Variants in XRN2 observed in about 807,000 individuals in gnomAD.
XRN2 encodes DHM1-like protein.
Under a neutral mutation model 138.5 loss-of-function variants are expected in XRN2, and 44 were observed. That is an observed-to-expected ratio of 0.32 (90% CI 0.25 to 0.41). The LOEUF is 0.41. XRN2 is among the 10% of genes least tolerant of loss of function. The pLI is 1.00. For synonymous variants in XRN2, 354 were observed against 369.4 expected (o/e 0.96, Z 0.48); for missense variants, 937 against 1,169.3 (o/e 0.80, Z 2.90).
At chr20:21,336,722 A>G (rs1173031780) in intron 13 of XRN2, among the ~76,000 whole-genome samples, 1 of 152,228 alleles carries the variant, frequency 6.6e-6, no homozygotes, top group Non-Finnish European at 1.5e-5. Flanking sequence ...GTAACTAAGT[A>G]AACCTCATTA....
At chr20:21,375,087 A>G (rs1305438632) in intron 27 of XRN2, among the ~76,000 whole-genome samples, 1 of 113,998 alleles carries the variant, frequency 8.8e-6, no homozygotes, top group African/African-American at 3.4e-5. Flanking sequence ...GAAATTTTTC[A>G]TAAGATTTTT....
At chr20:21,331,664 T>C (rs762063683) in intron 7 of XRN2, 31 bp downstream of exon 7, 1 of 1,603,040 alleles carries the variant, frequency 6.2e-7, no homozygotes, top group Non-Finnish European at 8.5e-7. Context: ...TTTGATTATA[T>C]GTTCTATTTT....
At chr20:21,373,209 C>T (rs931982972) in intron 27 of XRN2, among the ~76,000 whole-genome samples, 3 of 152,136 alleles carry the variant, frequency 2.0e-5, no homozygotes, top group African/African-American at 7.2e-5. Flanking sequence ...GGGGTTTCAC[C>T]ATGTTGGCCA....
At chr20:21,341,087 C>G (rs2038366438) in intron 15 of XRN2, among the ~76,000 whole-genome samples, 1 of 152,148 alleles carries the variant, frequency 6.6e-6, no homozygotes, top group South Asian at 2.1e-4. Flanking sequence ...ATATAAAGAG[C>G]TGATTCCAGT....
intron 3 of XRN2, among the ~76,000 whole-genome samples, chr20:21,327,742 A>G (rs2038147597): frequency 6.6e-6 from 1 of 152,228 alleles, no homozygotes; most frequent in Admixed American, 6.5e-5. Flanking sequence ...ATGTAGATAC[A>G]GAACTTTGTA....
At chr20:21,340,598 T>G in intron 14 of XRN2, 123 bp from the exon 15 acceptor site, 1 of 1,104,656 alleles carries the variant, frequency 9.1e-7, no homozygotes, top group Non-Finnish European at 1.3e-6. Flanking sequence ...ATCATTTGGT[T>G]TTTTAGTGAG....
chr20:21,341,822 GTGT>G (rs983645550), intron 15 of XRN2, among the ~76,000 whole-genome samples: 13 of 152,160 alleles, frequency 8.5e-5, no homozygotes, highest in Non-Finnish European at 1.3e-4. Context: ...GTGACTGGTG[GTGT>G]TATATGCCCT....
rs1237150739 is a variant in XRN2 at position 21,348,363 on chromosome 20, T to C, written c.1796T>C (p.Met599Thr). The change falls in exon 19 of 30, where the codon ATG becomes ACG. Residue 599 changes from methionine (M) to threonine (T), a missense_variant. Physicochemically the swap from Met to Thr is moderately conservative, Grantham distance 81 (BLOSUM62 -1). Transcript: ENST00000377191. ...CAGTTTAAACCACTAGAACAACTTA[T>C]GGGGGTATTTCCAGCTGCAAGTGGT... ...TKPFKPLEQL[M>T]GVFPAASGNF... 2 of 1,614,136 alleles carry C rather than the reference T, an allele frequency of 1.2e-6. No individual in the cohort carries two copies. Among genetic ancestry groups the C allele is most frequent in the South Asian group, 1.1e-5 (1 of 91,084 alleles).
In XRN2 at chr20:21,389,313, C is replaced by T. The variant is rs945936383; in HGVS notation, c.2828C>T (p.Pro943Leu). 2 of 1,613,002 alleles carry T rather than the reference C, an allele frequency of 1.2e-6. No individual in the cohort carries two copies. Among genetic ancestry groups the T allele is most frequent in the East Asian group, 2.2e-5 (1 of 44,788 alleles). Residue 943 changes from proline to leucine, a missense_variant, in exon 30 of 30, where the codon CCC becomes CTC. Pro to Leu is a moderately conservative substitution (Grantham distance 98). Around this residue, in one of 6 missense-constraint regions of XRN2, gnomAD observed 372 missense variants for 414.4 expected, o/e 0.90. Transcript: ENST00000377191. ...GGAAGGAAATACCCTTTGCCACCAC[C>T]CTCAGGAAGATACAATTGGAATTAA... ...REGRKYPLPP[P>L]SGRYNWN
chr20:21,342,934 G>GT (rs895907416), intron 15 of XRN2, among the ~76,000 whole-genome samples: 113 of 150,916 alleles, frequency 7.5e-4, no homozygotes, highest in African/African-American at 2.2e-3. Flanking sequence ...TTTTTATTGG[G>GT]TTTTTTTTTG....
intron 1 of XRN2, among the ~76,000 whole-genome samples, chr20:21,317,764 C>G (rs1426541575): frequency 6.6e-6 from 1 of 152,182 alleles, no homozygotes; most frequent in African/African-American, 2.4e-5. Context: ...AGTACCAACG[C>G]AACTGTCCAT....
At chr20:21,308,229 A>C (rs1364246489) in intron 1 of XRN2, among the ~76,000 whole-genome samples, 2 of 151,992 alleles carry the variant, frequency 1.3e-5, no homozygotes, top group Non-Finnish European at 2.9e-5. Context: ...TAGATACACC[A>C]CATTTTATTT....
chr20:21,359,179 T>G (rs1210661643), intron 24 of XRN2, among the ~76,000 whole-genome samples: 4 of 152,190 alleles, frequency 2.6e-5, no homozygotes, highest in African/African-American at 7.2e-5. Context: ...TGGTTGGTTG[T>G]TTCTGAGCCT....
intron 1 of XRN2, among the ~76,000 whole-genome samples, chr20:21,324,956 T>C (rs1051226189): frequency 5.9e-5 from 9 of 152,228 alleles, no homozygotes; most frequent in African/African-American, 2.2e-4. Context: ...TCAAAAGTAA[T>C]TAGCAGTTGC....
Position 21,333,565 on chromosome 20 carries a change from C to T in XRN2, c.880C>T (p.Leu294Phe), listed in dbSNP as rs774128015. Reference sequence around the variant, plus strand: ...GCAGCATGATGAACTTGCCGATAGTCTTCCTTGTGCAGAAGGAGAGTTTAT... The same window carrying T: ...GCAGCATGATGAACTTGCCGATAGTTTTCCTTGTGCAGAAGGAGAGTTTAT... ...KGKHDELADSLPCAEGEFIFL... is the reference protein window; with the variant it reads ...KGKHDELADSFPCAEGEFIFL... Residue 294 changes from leucine to phenylalanine, a missense_variant, in exon 10 of 30, where the codon CTT becomes TTT. Leu to Phe is a conservative substitution (Grantham distance 22). Around this residue, in one of 6 missense-constraint regions of XRN2, gnomAD observed 471 missense variants for 581.2 expected, o/e 0.81. Coordinates refer to ENST00000377191, the MANE Select transcript of XRN2 (RefSeq NM_012255.5). 5 of 1,613,268 alleles carry T rather than the reference C, an allele frequency of 3.1e-6. No individual in the cohort carries two copies. The East Asian group carries it at 1.1e-4, about 36-fold the overall frequency.
At chr20:21,332,557 A>G (rs1232855721) in intron 9 of XRN2, 117 bp downstream of exon 9, 9 of 1,040,548 alleles carry the variant, frequency 8.6e-6, no homozygotes, top group Non-Finnish European at 1.2e-5. Context: ...ATAGCATTAA[A>G]TATTTGAGTT....
chr20:21,384,266 A>G (rs950692524), intron 28 of XRN2, among the ~76,000 whole-genome samples: 2 of 152,084 alleles, frequency 1.3e-5, no homozygotes, highest in African/African-American at 2.4e-5. Flanking sequence ...TTTTTCAGTC[A>G]TTTGCAAGGC....
intron 23 of XRN2, among the ~76,000 whole-genome samples, chr20:21,357,287 A>G (rs1401316553): frequency 1.3e-5 from 2 of 152,190 alleles, no homozygotes; most frequent in Non-Finnish European, 2.9e-5. Flanking sequence ...TCAAGGGTAC[A>G]TTTCCAGGAA....
intron 27 of XRN2, among the ~76,000 whole-genome samples, chr20:21,371,817 G>T (rs1484900070): frequency 1.3e-5 from 2 of 152,192 alleles, no homozygotes; most frequent in African/African-American, 4.8e-5. Flanking sequence ...TACACCAAAG[G>T]AGAGAATTTC....
Sources: gnomAD v4.1 joint callset for allele counts (sites outside exome capture counted in the v4.1 genomes callset) on GRCh38, gnomAD v4.1.1 for gene constraint, gnomAD v4.1.1 regional missense constraint, MANE v1.5 for transcripts, NCBI Gene and HGNC (gene_info 2026-07-23, HGNC 2026-07-21) for gene names.